Variants in EFNA5 observed in about 807,000 individuals in gnomAD.
EFNA5 encodes ephrin-A5.
A neutral mutation model predicts 22.9 loss-of-function variants in EFNA5; 5 were observed. That is an observed-to-expected ratio of 0.22 (90% CI 0.11 to 0.46). The LOEUF is 0.46. EFNA5 is among the 20% of genes least tolerant of loss of function. The pLI is 0.99. For synonymous variants in EFNA5, 113 were observed against 112.2 expected (o/e 1.01, Z -0.04); for missense variants, 237 against 293.3 (o/e 0.81, Z 1.40).
intron 1 of EFNA5, among the ~76,000 whole-genome samples, chr5:107,584,102 G>A (rs139772913): frequency 0.013 from 2,004 of 152,260 alleles, 55 homozygotes; most frequent in African/African-American, 0.045. Flanking sequence ...TTAGCTCTAG[G>A]GGATATCACT....
At chr5:107,666,566 C>T (rs1319955495) in intron 1 of EFNA5, among the ~76,000 whole-genome samples, 2 of 152,118 alleles carry the variant, frequency 1.3e-5, no homozygotes, top group Non-Finnish European at 2.9e-5. Flanking sequence ...TCCTTCATGA[C>T]TTACACAGAT....
chr5:107,521,867 A>G (rs1480451240), intron 1 of EFNA5, among the ~76,000 whole-genome samples: 1 of 151,804 alleles, frequency 6.6e-6, no homozygotes, highest in Non-Finnish European at 1.5e-5. Flanking sequence ...TCCAGGCTGG[A>G]GTGGGCAGTG....
intron 1 of EFNA5, among the ~76,000 whole-genome samples, chr5:107,647,550 G>A (rs1296121651): frequency 2.0e-5 from 3 of 152,138 alleles, no homozygotes; most frequent in South Asian, 4.2e-4. Context: ...TAATGGAGAG[G>A]AATAAAATAG....
At chr5:107,421,636 G>C (rs1019310959) in intron 2 of EFNA5, among the ~76,000 whole-genome samples, 1 of 152,124 alleles carries the variant, frequency 6.6e-6, no homozygotes, top group Non-Finnish European at 1.5e-5. Context: ...TCTACCATCT[G>C]ATTCGGGGTT....
intron 1 of EFNA5, among the ~76,000 whole-genome samples, chr5:107,556,513 A>G (rs1748418700): frequency 6.6e-6 from 1 of 152,140 alleles, no homozygotes; most frequent in Admixed American, 6.5e-5. Flanking sequence ...TGGGAGGTTG[A>G]GGCGGGTGGA....
At chr5:107,489,696 C>T (rs1355894185) in intron 1 of EFNA5, among the ~76,000 whole-genome samples, 1 of 148,004 alleles carries the variant, frequency 6.8e-6, no homozygotes, top group African/African-American at 2.5e-5. Flanking sequence ...ATGTTTCATT[C>T]CTGCAACTGA....
intron 1 of EFNA5, among the ~76,000 whole-genome samples, chr5:107,569,541 ATGTG>A (rs1300267077): frequency 8.0e-6 from 1 of 125,646 alleles, no homozygotes; most frequent in African/African-American, 3.0e-5. Flanking sequence ...TTATATATAT[ATGTG>A]TGTATATATA....
At chr5:107,636,667 A>C (rs562045584) in intron 1 of EFNA5, among the ~76,000 whole-genome samples, 1 of 152,364 alleles carries the variant, frequency 6.6e-6, no homozygotes, top group South Asian at 2.1e-4. Context: ...TTTTTCTTCA[A>C]GAAGATCAGA....
At chr5:107,653,723 C>T (rs774113341) in intron 1 of EFNA5, among the ~76,000 whole-genome samples, 10 of 152,174 alleles carry the variant, frequency 6.6e-5, no homozygotes, top group Non-Finnish European at 1.3e-4. Flanking sequence ...ATTTTCAATA[C>T]TAATTAGCAA....
At chr5:107,481,474 T>C (rs1040287434) in intron 1 of EFNA5, among the ~76,000 whole-genome samples, 1 of 152,200 alleles carries the variant, frequency 6.6e-6, no homozygotes, top group East Asian at 1.9e-4. Flanking sequence ...AAAGTAGTGA[T>C]TCATTCTGAC....
rs1387006951 is a variant in EFNA5, at chr5:107,591,905, TA to T, written c.125+78583del. 0.022 allele frequency among the ~76,000 whole-genome samples: 103 copies of T among 4,590 alleles called. 7 individuals carry two copies. In the South Asian group the frequency reaches 0.27, roughly 12 times the overall value. The allele number at this position is 4,590 out of a possible 152,430, so 3.0% of individuals were successfully genotyped here. A position where few individuals can be genotyped will look rare whatever the true frequency, so the allele number is the denominator to read the frequency against. On this transcript the variant is annotated intron_variant, in intron 1 of 4. Transcript: ENST00000333274. ...TAATATATATATTATATATAATATA[TA>T]ATATAAAAAATATATATATAATATA...
chr5:107,631,207 A>G (rs1383061054), intron 1 of EFNA5, among the ~76,000 whole-genome samples: 1 of 151,978 alleles, frequency 6.6e-6, no homozygotes, highest in Non-Finnish European at 1.5e-5. Context: ...ACCATTATAA[A>G]TGTAGTCCTT....
intron 1 of EFNA5, among the ~76,000 whole-genome samples, chr5:107,505,849 G>A (rs1747240493): frequency 6.6e-6 from 1 of 150,470 alleles, no homozygotes; most frequent in African/African-American, 2.5e-5. Flanking sequence ...ACCTTCTCTT[G>A]GAGATAAAAA....
At position 107,377,696 on chromosome 5, in the gene EFNA5, T is replaced by G. The variant is rs577788649; in HGVS notation, c.*3559A>C. On this transcript the variant is annotated 3_prime_UTR_variant, in exon 5 of 5. Transcript: ENST00000333274. ...ACTGATTGGTTTGCAACCATTTCCA[T>G]GAGTGAGCTGCACATGATATTGATA... 17 of 152,192 alleles carry G rather than the reference T, an allele frequency of 1.1e-4. No individual in the cohort carries two copies. The highest frequency in any genetic ancestry group is 3.4e-4 in the African/African-American group (14 of 41,532). The allele number at this position is 152,192 out of a possible 1,614,324, so 9.4% of individuals were successfully genotyped here. A position where few individuals can be genotyped will look rare whatever the true frequency, so the allele number is the denominator to read the frequency against.
chr5:107,652,027 T>C (rs1666772072), intron 1 of EFNA5, among the ~76,000 whole-genome samples: 2 of 152,156 alleles, frequency 1.3e-5, no homozygotes, highest in African/African-American at 2.4e-5. Context: ...AGGAAGTATA[T>C]GAGATATCTC....
chr5:107,426,431 T>G (rs1008842323), intron 2 of EFNA5, among the ~76,000 whole-genome samples: 7 of 152,206 alleles, frequency 4.6e-5, no homozygotes, highest in African/African-American at 1.7e-4. Flanking sequence ...TAAGACCTCC[T>G]GAGTCAGAAT....
chr5:107,470,148 G>A (rs1185970925), intron 1 of EFNA5, among the ~76,000 whole-genome samples: 5 of 152,072 alleles, frequency 3.3e-5, no homozygotes, highest in East Asian at 3.9e-4. Flanking sequence ...CTGGAGAGCC[G>A]CTCCTTTGCT....
At chr5:107,554,626 G>A (rs915609369) in intron 1 of EFNA5, among the ~76,000 whole-genome samples, 1 of 152,082 alleles carries the variant, frequency 6.6e-6, no homozygotes, top group African/African-American at 2.4e-5. Context: ...TAATTGATAG[G>A]CAAAGAGAAA....
At chr5:107,437,380 T>C (rs554998178) in intron 1 of EFNA5, among the ~76,000 whole-genome samples, 6 of 152,320 alleles carry the variant, frequency 3.9e-5, no homozygotes, top group Non-Finnish European at 7.3e-5. Flanking sequence ...AGTTAGGACC[T>C]TGTGAGCAGT....
Sources: allele counts gnomAD v4.1 joint callset (sites outside exome capture counted in the v4.1 genomes callset), GRCh38; gene constraint gnomAD v4.1.1; transcripts MANE v1.5; gene names NCBI Gene and HGNC (gene_info 2026-07-23, HGNC 2026-07-21).